RNF214: variants seen among roughly 807,000 people sequenced by gnomAD.
RNF214 encodes the protein ring finger protein 214.
In RNF214, 25 loss-of-function variants were observed where a neutral mutation model predicts 75.9. The observed-to-expected ratio is 0.33, with a 90% CI of 0.24 to 0.46. The LOEUF (loss-of-function observed/expected upper bound fraction) is 0.46. Ranked by LOEUF, RNF214 falls within the 20% of genes least tolerant of loss-of-function variation. RNF214 has a pLI of 1.00. For synonymous variants in RNF214, 314 were observed against 308.8 expected (o/e 1.02, Z -0.18); for missense variants, 725 against 857.5 (o/e 0.85, Z 1.93).
At chr11:117,270,519 C>T (rs1047025801) in intron 6 of RNF214, among the ~76,000 whole-genome samples, 2 of 151,918 alleles carry the variant, frequency 1.3e-5, no homozygotes, top group African/African-American at 4.8e-5. Context: ...GCAACCTCCA[C>T]CTCCCGGGTT....
At chr11:117,233,831 T>G (rs956717311) in intron 1 of RNF214, among the ~76,000 whole-genome samples, 4 of 152,162 alleles carry the variant, frequency 2.6e-5, no homozygotes, top group African/African-American at 9.7e-5. Flanking sequence ...CTTAAATTAA[T>G]GGAGAATGCT....
chr11:117,256,029 C>T (rs1225882845), intron 6 of RNF214, among the ~76,000 whole-genome samples: 1 of 152,168 alleles, frequency 6.6e-6, no homozygotes, highest in Admixed American at 6.5e-5. Flanking sequence ...GCCCACACAA[C>T]CGTGCTGGTT....
chr11:117,250,345 TTAAG>T (rs2033337738), intron 6 of RNF214, among the ~76,000 whole-genome samples: 1 of 152,240 alleles, frequency 6.6e-6, no homozygotes, highest in Non-Finnish European at 1.5e-5. Context: ...TGACTACGTG[TTAAG>T]TAATACTGTG....
intron 6 of RNF214, among the ~76,000 whole-genome samples, chr11:117,267,766 A>G (rs1489691069): frequency 1.3e-5 from 2 of 152,014 alleles, no homozygotes; most frequent in Non-Finnish European, 2.9e-5. Context: ...TTATAAATAT[A>G]CATACATGTT....
At chr11:117,278,107 A>G (rs1289267288) in intron 6 of RNF214, among the ~76,000 whole-genome samples, 1 of 152,076 alleles carries the variant, frequency 6.6e-6, no homozygotes, top group Non-Finnish European at 1.5e-5. Flanking sequence ...GATCGAGACC[A>G]TCCTGGCTAA....
chr11:117,252,008 A>G (rs980155142), intron 6 of RNF214, among the ~76,000 whole-genome samples: 2 of 152,126 alleles, frequency 1.3e-5, no homozygotes, highest in African/African-American at 4.8e-5. Context: ...AGCTGGAACT[A>G]CAGGCCTGTG....
At chr11:117,274,818 C>T (rs949264825) in intron 6 of RNF214, among the ~76,000 whole-genome samples, 5 of 151,852 alleles carry the variant, frequency 3.3e-5, no homozygotes, top group African/African-American at 4.8e-5. Context: ...CACAGATGGG[C>T]GCCATGATGT....
At chr11:117,249,770 CA>C (rs754679210) in intron 6 of RNF214, among the ~76,000 whole-genome samples, 2 of 152,174 alleles carry the variant, frequency 1.3e-5, no homozygotes, top group Non-Finnish European at 2.9e-5. Context: ...TATGCATGCA[CA>C]TTCCTGGTGT....
chr11:117,283,034 T>G, intron 13 of RNF214, 81 bp from the exon 14 acceptor site: 1 of 1,084,328 alleles, frequency 9.2e-7, no homozygotes, highest in East Asian at 2.4e-5. Flanking sequence ...TAAATCTTTT[T>G]GCTGCATGGA....
chr11:117,244,355 A>C, intron 4 of RNF214, 90 bp from the exon 5 acceptor site: 2 of 1,018,936 alleles, frequency 2.0e-6, no homozygotes, highest in Non-Finnish European at 1.5e-6. Context: ...GTGCGGTCAT[A>C]GAGCTCTATA....
At chr11:117,233,102 C>A (rs1242588158) in intron 1 of RNF214, among the ~76,000 whole-genome samples, 4 of 152,104 alleles carry the variant, frequency 2.6e-5, no homozygotes, top group African/African-American at 9.7e-5. Context: ...GGTGGTCGCC[C>A]CGGGTTGCGG....
At chr11:117,266,393 TC>T (rs1325573472) in intron 6 of RNF214, among the ~76,000 whole-genome samples, 1 of 152,152 alleles carries the variant, frequency 6.6e-6, no homozygotes, top group Non-Finnish European at 1.5e-5. Flanking sequence ...AGGGTCTCAC[TC>T]TGTCACCCAG....
At chr11:117,247,856 CA>C (rs769342396) in intron 6 of RNF214, among the ~76,000 whole-genome samples, 121 of 60,158 alleles carry the variant, frequency 2.0e-3, no homozygotes, top group Admixed American at 3.5e-3. Flanking sequence ...GACCCTGTCT[CA>C]AAAAAAAAAA....
chr11:117,255,533 G>A (rs971374319), intron 6 of RNF214, among the ~76,000 whole-genome samples: 12 of 148,774 alleles, frequency 8.1e-5, no homozygotes, highest in African/African-American at 1.7e-4. Context: ...TTTTTTCTTC[G>A]TAGAGACAGG....
In RNF214 at chr11:117,258,711, T is replaced by C. The variant is rs565112480; in HGVS notation, c.959+11763T>C. Among the ~76,000 whole-genome samples, 7 of 152,232 alleles carry C rather than the reference T, an allele frequency of 4.6e-5. No homozygotes were observed. In the South Asian group the frequency reaches 6.2e-4, roughly 14 times the overall value. On this transcript the variant is annotated intron_variant, in intron 6 of 14. Coordinates refer to ENST00000300650, the MANE Select transcript of RNF214 (RefSeq NM_207343.4). The stretch of plus-strand genomic sequence containing the variant: ...GAGTAATTCAGACCCCATCAAGATA[T>C]ATAAAATACATTACTGTTAAACCTG...
chr11:117,252,337 T>G (rs574038717), intron 6 of RNF214, among the ~76,000 whole-genome samples: 3 of 152,140 alleles, frequency 2.0e-5, no homozygotes, highest in Non-Finnish European at 2.9e-5. Flanking sequence ...TGTAAGACAT[T>G]TAGGGGCAGC....
chr11:117,277,475 TTGAA>T (rs1441164348), intron 6 of RNF214, among the ~76,000 whole-genome samples: 2 of 151,998 alleles, frequency 1.3e-5, no homozygotes, highest in Admixed American at 1.3e-4. Context: ...ATGTCAGAGA[TTGAA>T]TAAGTGTGTA....
chr11:117,251,379 G>A (rs1591824527), intron 6 of RNF214, among the ~76,000 whole-genome samples: 2 of 145,150 alleles, frequency 1.4e-5, no homozygotes, highest in Non-Finnish European at 3.1e-5. Flanking sequence ...CGGGCGGGGG[G>A]CTGACCCCCC....
chr11:117,281,216 T>C, intron 8 of RNF214, 98 bp from the exon 9 acceptor site: 1 of 785,910 alleles, frequency 1.3e-6, no homozygotes, highest in East Asian at 2.7e-5. Context: ...TCAAGTGATC[T>C]GCCCGCCTTG....
Sources: gnomAD v4.1 joint callset for allele counts (sites outside exome capture counted in the v4.1 genomes callset) on GRCh38, gnomAD v4.1.1 for gene constraint, MANE v1.5 for transcripts, NCBI Gene and HGNC (gene_info 2026-07-23, HGNC 2026-07-21) for gene names.